The following SNAPC4 variants were observed in gnomAD, a reference collection of about 807,000 sequenced individuals.
SNAPC4 encodes the protein small nuclear RNA activating complex polypeptide 4, also known as snRNA-activating protein complex subunit 4.
In SNAPC4, 127 loss-of-function variants were observed where a neutral mutation model predicts 151.3. The observed-to-expected ratio is 0.84, with a 90% CI of 0.73 to 0.97. The LOEUF is 0.97. Among genes scored for constraint, SNAPC4 ranks in the 50% least tolerant of loss-of-function variants. SNAPC4 has a pLI of 0.00. For missense variants in SNAPC4, 2,186 were observed against 1,935.0 expected (o/e 1.13, Z -2.43); for synonymous variants, 1,002 against 824.4 (o/e 1.22, Z -3.69).
Position 136,383,193 on chromosome 9 carries a change from G to T in SNAPC4, c.1976C>A (p.Ala659Asp). Reference sequence around the variant, plus strand: ...CCCAGGGCCGGGGCCTACCTCCAGGGCCTGCTTCTCTGCGCCCGCCGGGCG... The same window carrying T: ...CCCAGGGCCGGGGCCTACCTCCAGGTCCTGCTTCTCTGCGCCCGCCGGGCG... ...DTRPAGAEKQ[A>D]LEGGRRLLTV... The change falls in exon 16 of 24, where the codon GCC (alanine) becomes GAC (aspartate). Residue 659 changes from alanine (A) to aspartate (D), a missense_variant. By Grantham distance (126) the Ala-to-Asp change is moderately radical. Coordinates refer to ENST00000684778, the MANE Select transcript of SNAPC4 (RefSeq NM_003086.4). This position sits in a 1 kb window ranked among gnomAD's most constrained non-coding sequence, Gnocchi z 4.2. The T allele has an allele frequency of 6.5e-7, 1 of 1,536,952 alleles. No individual in the cohort carries two copies. Among genetic ancestry groups the T allele is most frequent in the Non-Finnish European group, 8.7e-7 (1 of 1,144,792 alleles).
In SNAPC4 at chr9:136,378,858, G is replaced by A. The variant is rs777854684; in HGVS notation, c.2969C>T (p.Ala990Val). 4.3e-6 allele frequency: 7 copies of A among 1,609,266 alleles called. No individual in the cohort carries two copies. In the Admixed American group the frequency reaches 6.7e-5, roughly 15 times the overall value. The stretch of plus-strand genomic sequence containing the variant: ...GCCCTCGGCCTCTGAGAAGACAGGA[G>A]CGAGGGGCAGGGCTTGCATGGTGGA... ...RLSTMQALPL[A>V]PVFSEAEGTA... is the part of the protein sequence containing the mutation. The change falls in exon 22 of 24, where the codon GCT (alanine) becomes GTT (valine). Residue 990 changes from alanine (A) to valine (V), a missense_variant. Coordinates refer to ENST00000684778, the MANE Select transcript of SNAPC4 (RefSeq NM_003086.4).
At chr9:136,376,549 G>C (rs960840004) in intron 22 of SNAPC4, 68 bp from the exon 23 acceptor site, 4 of 1,582,820 alleles carry the variant, frequency 2.5e-6, no homozygotes, top group Non-Finnish European at 3.5e-6. Flanking sequence ...GGGAAGGGAC[G>C]GGAGTGAGGA....
intron 10 of SNAPC4, among the ~76,000 whole-genome samples, chr9:136,391,188 C>G (rs1834061446): frequency 6.6e-6 from 1 of 152,168 alleles, no homozygotes; most frequent in Non-Finnish European, 1.5e-5. Context: ...AGAGTAGGCC[C>G]TACTTACAGA....
Position 136,383,657 on chromosome 9 carries a change from A to G in SNAPC4, c.1512T>C (p.Gly504=). Residue 504 remains glycine, a synonymous_variant, in exon 16 of 24, where the codon GGT becomes GGC. Transcript: ENST00000684778. The surrounding 1 kb of genome is among the most constrained non-coding windows in gnomAD (Gnocchi z 4.2). The part of the protein sequence containing the change: ...KWKIMMGKKQ[G]LRRRRRRARH... Reference sequence around the variant, plus strand: ...GGGCCCTCCGCCGCCGCCTCCGGAGACCCTGCTTCTTCTGAGGGGAGGAAA... The same window carrying G: ...GGGCCCTCCGCCGCCGCCTCCGGAGGCCCTGCTTCTTCTGAGGGGAGGAAA... 6.2e-7 allele frequency: 1 copy of G among 1,604,068 alleles called. No individual in the cohort carries two copies. Among genetic ancestry groups the G allele is most frequent in the South Asian group, 1.1e-5 (1 of 89,866 alleles).
At chr9:136,376,792 T>C (rs1267745618) in intron 22 of SNAPC4, among the ~76,000 whole-genome samples, 1 of 152,208 alleles carries the variant, frequency 6.6e-6, no homozygotes, top group Admixed American at 6.5e-5. Flanking sequence ...TTCCCCTGGC[T>C]GGCCGGGGTC....
At chr9:136,394,411 G>T (rs767949477) in intron 6 of SNAPC4, 81 bp from the exon 7 acceptor site, 1 of 1,310,476 alleles carries the variant, frequency 7.6e-7, no homozygotes, top group Non-Finnish European at 1.1e-6. Flanking sequence ...TGCACTTCCC[G>T]AGGCAGTGGT....
intron 10 of SNAPC4, among the ~76,000 whole-genome samples, chr9:136,391,340 T>G (rs1450348413): frequency 6.6e-6 from 1 of 152,162 alleles, no homozygotes; most frequent in Non-Finnish European, 1.5e-5. Flanking sequence ...CCAATCAAAT[T>G]CAGATAAAGA....
rs529487034 is a variant in SNAPC4 at position 136,382,274 on chromosome 9, C to T, written c.2046G>A (p.Thr682=). The T allele has an allele frequency of 9.3e-6, 15 of 1,612,946 alleles. No homozygotes were observed. The highest frequency in any genetic ancestry group is 7.7e-5 in the South Asian group (7 of 91,070). ...TCACCTGTGTGCAGCTCCGAGCAGC[C>T]GTGTTGGCCCTGAGCACCCTCAGCA... ...ETVLRVLRAN[T]AARSCTQKEQ... is the part of the protein sequence containing the mutation. The change falls in exon 17 of 24, where the codon ACG becomes ACA. Residue 682 remains threonine, a synonymous_variant. Coordinates refer to ENST00000684778, the MANE Select transcript of SNAPC4 (RefSeq NM_003086.4).
intron 10 of SNAPC4, among the ~76,000 whole-genome samples, chr9:136,390,421 G>GGTGGGCGCCT (rs1834027538): frequency 6.6e-6 from 1 of 151,932 alleles, no homozygotes. Context: ...CGGGCGTGGT[G>GGTGGGCGCCT]GTGGGCGCCT....
At chr9:136,381,084 G>A (rs192867914) in intron 19 of SNAPC4, among the ~76,000 whole-genome samples, 59 of 152,272 alleles carry the variant, frequency 3.9e-4, no homozygotes, top group Non-Finnish European at 7.4e-4. Context: ...CACTCATACT[G>A]GGGCCCCGGG....
rs747889929 is a variant in SNAPC4, at chr9:136,380,802, TCCTCTCTCGGACGA to T, written c.2423_2436del (p.Val808GlufsTer227). 6.2e-7 allele frequency: 1 copy of T among 1,612,128 alleles called. No individual in the cohort carries two copies. Among genetic ancestry groups the T allele is most frequent in the Admixed American group, 1.7e-5 (1 of 59,980 alleles). ...TGGGGCAGCCTGGGTGGCAGGGCCT[TCCTCTCTCGGACGA>T]CCTCCAAGCAGCCGGCAGTATCGAT... is the stretch of plus-strand genomic sequence containing the variant. On this transcript the variant is annotated frameshift_variant, in exon 20 of 24. Coordinates refer to ENST00000684778, the MANE Select transcript of SNAPC4 (RefSeq NM_003086.4). LOFTEE classifies it high-confidence loss of function.
rs1037219090 is a variant in SNAPC4 at position 136,379,190 on chromosome 9, G to A, written c.2637C>T (p.Ser879=). ...GCCGGGGGCCGGTTGAAGCCAGCAG[G>A]GACGCCTGGGGTAGGGTGCGCTCCA... ...SRVERTLPQA[S]LLASTGPRPK... Residue 879 remains serine (S), a synonymous_variant, in exon 22 of 24, where the codon TCC becomes TCT. Coordinates refer to ENST00000684778, the MANE Select transcript of SNAPC4 (RefSeq NM_003086.4). 8 of 1,605,322 alleles carry A rather than the reference G, an allele frequency of 5.0e-6. No individual in the cohort carries two copies. The highest frequency in any genetic ancestry group is 6.8e-6 in the Non-Finnish European group (8 of 1,176,898).
At position 136,378,029 on chromosome 9, in the gene SNAPC4, C is replaced by T. The variant is rs1588736354; in HGVS notation, c.3798G>A (p.Lys1266=). ...KPPLPQPGPE[K]GALDLGLLSQ... ...ACAGCAGGCCCAGGTCCAGGGCCCC[C>T]TTCTCAGGCCCAGGCTGGGGTAGGG... Residue 1266 remains lysine, a synonymous_variant, in exon 22 of 24, where the codon AAG becomes AAA. Transcript: ENST00000684778. The T allele has an allele frequency of 2.4e-5, 38 of 1,589,046 alleles. No homozygotes were observed. Among genetic ancestry groups the T allele is most frequent in the Non-Finnish European group, 3.3e-5 (38 of 1,168,630 alleles).
In SNAPC4 at chr9:136,386,197, T is replaced by C. The variant is rs533275332; in HGVS notation, c.1325+1288A>G. On this transcript the variant is annotated intron_variant, in intron 13 of 23. Coordinates refer to ENST00000684778, the MANE Select transcript of SNAPC4 (RefSeq NM_003086.4). ...ATCCCAACGCGTGTGTGGTTTTGACTTGCACTTCCCTAATGACTCATGGCG... is the reference window on the plus strand; with the variant it reads ...ATCCCAACGCGTGTGTGGTTTTGACCTGCACTTCCCTAATGACTCATGGCG... 5.3e-4 allele frequency among the ~76,000 whole-genome samples: 81 copies of C among 152,086 alleles called. 1 individual carries two copies. In the South Asian group the frequency reaches 0.016, roughly 31 times the overall value.
chr9:136,381,686 A>G, intron 18 of SNAPC4, 138 bp downstream of exon 18: 1 of 1,074,016 alleles, frequency 9.3e-7, no homozygotes, highest in Non-Finnish European at 1.3e-6. Context: ...CGGGAAGCTG[A>G]CCAGAGGTGG....
chr9:136,395,774 G>A lies in SNAPC4; in HGVS notation c.178-4C>T, dbSNP rs1213898694. ...CTTCGCCCCACCTTTCTTCTTCCTGGTAACGAGCCAGAAATGGCATGTGAC... is the reference window on the plus strand; with the variant it reads ...CTTCGCCCCACCTTTCTTCTTCCTGATAACGAGCCAGAAATGGCATGTGAC... On this transcript the variant is annotated splice_polypyrimidine_tract_variant and splice_region_variant and intron_variant, in intron 3 of 23. Transcript: ENST00000684778. 5.6e-6 allele frequency: 9 copies of A among 1,608,208 alleles called. No homozygotes were observed. Among genetic ancestry groups the A allele is most frequent in the Non-Finnish European group, 7.7e-6 (9 of 1,176,052 alleles).
chr9:136,376,620 C>T, intron 22 of SNAPC4, 139 bp from the exon 23 acceptor site: 1 of 938,726 alleles, frequency 1.1e-6, no homozygotes, highest in South Asian at 1.5e-5. Context: ...GCGGGAGCTG[C>T]TCCAGGCACT....
chr9:136,380,865 A>C lies in SNAPC4; in HGVS notation c.2389-15T>G, dbSNP rs1833663975. On this transcript the variant is annotated splice_polypyrimidine_tract_variant and intron_variant, in intron 19 of 23. Transcript: ENST00000684778. ...ATGTGGAACAGCTGCGGGACACAGG[A>C]GGCAACCTAACCATAGCTGCTTTCG... 1 of 1,478,906 alleles carries C rather than the reference A, an allele frequency of 6.8e-7. No individual in the cohort carries two copies. Among genetic ancestry groups the C allele is most frequent in the Non-Finnish European group, 9.5e-7 (1 of 1,057,432 alleles). The allele number at this position is 1,478,906 out of a possible 1,614,324, so 91.6% of individuals were successfully genotyped here.
intron 14 of SNAPC4, 78 bp from the exon 15 acceptor site, chr9:136,384,110 C>A: frequency 8.0e-7 from 1 of 1,243,710 alleles, no homozygotes. Context: ...CCCCAGGAGA[C>A]TCGCCGTGGC....
Sources: gnomAD v4.1 joint callset for allele counts (sites outside exome capture counted in the v4.1 genomes callset) on GRCh38, gnomAD v4.1.1 for gene constraint, Gnocchi (gnomAD v3.1) non-coding constraint, MANE v1.5 for transcripts, NCBI Gene and HGNC (gene_info 2026-07-23, HGNC 2026-07-21) for gene names.